PPP1R3B: variants seen among roughly 807,000 people sequenced by gnomAD.
PPP1R3B encodes the protein PP1 subunit R4.
A neutral mutation model predicts 14.6 loss-of-function variants in PPP1R3B; 8 were observed. The observed-to-expected ratio is 0.55, with a 90% confidence interval of 0.32 to 0.99. The LOEUF is 0.99. PPP1R3B is among the 50% of genes least tolerant of loss of function. The pLI is 0.04. For missense variants in PPP1R3B, 452 were observed against 360.1 expected (o/e 1.26, Z -2.07); for synonymous variants, 169 against 142.0 (o/e 1.19, Z -1.35).
At chr8:9,143,248 A>G (rs781235120) in intron 1 of PPP1R3B, among the ~76,000 whole-genome samples, 2 of 152,196 alleles carry the variant, frequency 1.3e-5, no homozygotes, top group Non-Finnish European at 2.9e-5. Context: ...ATTTGCTATA[A>G]TCTGATAAAA....
chr8:9,141,946 G>A, intron 1 of PPP1R3B: 1 of 337,058 alleles, frequency 3.0e-6, no homozygotes, highest in South Asian at 5.8e-5. Context: ...AAAACTAAAT[G>A]CACAGGTTTT....
At chr8:9,142,965 A>C (rs977515267) in intron 1 of PPP1R3B, among the ~76,000 whole-genome samples, 4 of 152,226 alleles carry the variant, frequency 2.6e-5, no homozygotes, top group African/African-American at 9.6e-5. Context: ...GCTGCAATGA[A>C]CATAAGAGTA....
In PPP1R3B at chr8:9,141,182, T is replaced by C. The variant is rs1375334406; in HGVS notation, c.470A>G (p.Glu157Gly). The C allele has an allele frequency of 6.2e-7, 1 of 1,614,202 alleles. No homozygotes were observed. Among genetic ancestry groups the C allele is most frequent in the South Asian group, 1.1e-5 (1 of 91,084 alleles). The change falls in exon 2 of 2, where the codon GAG becomes GGG. Residue 157 changes from glutamate (E) to glycine (G), a missense_variant. Physicochemically the swap from Glu to Gly is moderately conservative, Grantham distance 98 (BLOSUM62 -2). Coordinates refer to ENST00000310455, the MANE Select transcript of PPP1R3B (RefSeq NM_024607.4). The part of the protein sequence containing the change: ...GTVKVQNLAF[E>G]KTVKIRMTFD... ...CGTCATCCTTATTTTCACGGTCTTC[T>C]CAAATGCGAGGTTCTGAACCTTCAC...
In PPP1R3B at chr8:9,140,451, G is replaced by A; in HGVS notation, c.*343C>T. ...TTTTGGCGACTGATGTCCCACATCT[G>A]AGTGGAGAGCAGAGGAGAGACTCCT... On this transcript the variant is annotated 3_prime_UTR_variant, in exon 2 of 2. Coordinates refer to ENST00000310455, the MANE Select transcript of PPP1R3B (RefSeq NM_024607.4). 3.4e-6 allele frequency: 1 copy of A among 291,428 alleles called. No individual in the cohort carries two copies. The highest frequency in any genetic ancestry group is 4.5e-5 in the Admixed American group (1 of 22,366). 18.1% of individuals were successfully genotyped at this position (291,428 alleles called of 1,614,324 possible).
At chr8:9,143,038 C>T (rs1021376613) in intron 1 of PPP1R3B, among the ~76,000 whole-genome samples, 2 of 152,148 alleles carry the variant, frequency 1.3e-5, no homozygotes, top group Admixed American at 6.5e-5. Flanking sequence ...GTGGGATTGC[C>T]GGGTCATATA....
At position 9,141,251 on chromosome 8, in the gene PPP1R3B, C is replaced by A. The variant is rs758831528; in HGVS notation, c.401G>T (p.Cys134Phe). Reference sequence around the variant, plus strand: ...GTCCTTGAGCACACAGTTCTCAAGGCAGACGTGGTCGGCCTGAAGTCGATT... The same window carrying A: ...GTCCTTGAGCACACAGTTCTCAAGGAAGACGTGGTCGGCCTGAAGTCGATT... ...FRNRLQADHV[C>F]LENCVLKDKA... Residue 134 changes from cysteine (C) to phenylalanine (F), a missense_variant, in exon 2 of 2, where the codon TGC (cysteine) becomes TTC (phenylalanine). Cys to Phe is a radical substitution (Grantham distance 205). Coordinates refer to ENST00000310455, the MANE Select transcript of PPP1R3B (RefSeq NM_024607.4). 2 of 1,614,208 alleles carry A rather than the reference C, an allele frequency of 1.2e-6. No homozygotes were observed. Among genetic ancestry groups the A allele is most frequent in the Non-Finnish European group, 1.7e-6 (2 of 1,180,042 alleles).
chr8:9,151,399 C>A (rs761544731), upstream of PPP1R3B: 1 of 157,484 alleles, frequency 6.3e-6, no homozygotes, highest in African/African-American at 2.4e-5. Context: ...CGGCAGCATA[C>A]GCCCTGGGGG....
Position 9,138,203 on chromosome 8 carries a change from T to A in PPP1R3B, c.*2591A>T, listed in dbSNP as rs973971239. On this transcript the variant is annotated 3_prime_UTR_variant, in exon 2 of 2. Transcript: ENST00000310455. ...ATTTGAGTTCGATTTATGCTATTAATAGTTCTGATCACCAAATTTATAACA... is the reference window on the plus strand; with the variant it reads ...ATTTGAGTTCGATTTATGCTATTAAAAGTTCTGATCACCAAATTTATAACA... The A allele has an allele frequency of 1.3e-5, 2 of 152,212 alleles. No homozygotes were observed. Among genetic ancestry groups the A allele is most frequent in the Admixed American group, 6.5e-5 (1 of 15,288 alleles). 9.4% of individuals were successfully genotyped at this position (152,212 alleles called of 1,614,324 possible).
At chr8:9,146,964 G>T (rs1375427683) in intron 1 of PPP1R3B, among the ~76,000 whole-genome samples, 1 of 151,818 alleles carries the variant, frequency 6.6e-6, no homozygotes, top group African/African-American at 2.4e-5. Flanking sequence ...CACAGGTAGT[G>T]TTTTTGTTTT....
rs143312437 is a variant in PPP1R3B at position 9,145,026 on chromosome 8, G to T, written c.-17-3358C>A. Reference sequence around the variant, plus strand: ...CTCCCAAAGTGCTGGGATTGCAGGCGGGGAGCCATCATGGCCAGCCCATGT... The same window carrying T: ...CTCCCAAAGTGCTGGGATTGCAGGCTGGGAGCCATCATGGCCAGCCCATGT... On this transcript the variant is annotated intron_variant, in intron 1 of 1. Transcript: ENST00000310455. Among the ~76,000 whole-genome samples the T allele has an allele frequency of 9.9e-3, 1,508 of 152,130 alleles. 22 individuals carry two copies. Among genetic ancestry groups the T allele is most frequent in the African/African-American group, 0.032 (1,329 of 41,478 alleles).
rs143851762 is a variant in PPP1R3B at position 9,138,726 on chromosome 8, C to T, written c.*2068G>A. 6 of 152,292 alleles carry T rather than the reference C, an allele frequency of 3.9e-5. No individual in the cohort carries two copies. The East Asian group carries it at 9.6e-4, about 24-fold the overall frequency. 9.4% of individuals were successfully genotyped at this position (152,292 alleles called of 1,614,324 possible). The stretch of plus-strand genomic sequence containing the variant: ...TCTTGCTTGCCTTAGGAAAACTTCA[C>T]TTTAGTAAGATAAGGCAAAACAGAA... On this transcript the variant is annotated 3_prime_UTR_variant, in exon 2 of 2. Transcript: ENST00000310455.
intron 1 of PPP1R3B, among the ~76,000 whole-genome samples, chr8:9,144,083 A>G (rs1283699002): frequency 1.3e-5 from 2 of 152,128 alleles, no homozygotes. Context: ...AATATGCAAA[A>G]TGTTCAACCT....
At chr8:9,148,879 C>G (rs920997857) in intron 1 of PPP1R3B, among the ~76,000 whole-genome samples, 3 of 152,210 alleles carry the variant, frequency 2.0e-5, no homozygotes, top group African/African-American at 7.2e-5. Flanking sequence ...CTCTCTCTCT[C>G]TTTCTTCTGG....
Position 9,139,258 on chromosome 8 carries a change from A to G in PPP1R3B, c.*1536T>C, listed in dbSNP as rs756472447. The G allele has an allele frequency of 4.6e-5, 7 of 152,182 alleles. No individual in the cohort carries two copies. The highest frequency in any genetic ancestry group is 1.0e-4 in the Non-Finnish European group (7 of 68,032). The allele number at this position is 152,182 out of a possible 1,614,324, so 9.4% of individuals were successfully genotyped here. A position where few individuals can be genotyped will look rare whatever the true frequency, so the allele number is the denominator to read the frequency against. ...ACAACAGCACTAACCAACAGACTTT[A>G]GTCCAATATGGTTAAGAACAATGAA... On this transcript the variant is annotated 3_prime_UTR_variant, in exon 2 of 2. Coordinates refer to ENST00000310455, the MANE Select transcript of PPP1R3B (RefSeq NM_024607.4).
chr8:9,139,601 T>A lies in PPP1R3B; in HGVS notation c.*1193A>T, dbSNP rs1248929883. On this transcript the variant is annotated 3_prime_UTR_variant, in exon 2 of 2. Coordinates refer to ENST00000310455, the MANE Select transcript of PPP1R3B (RefSeq NM_024607.4). Reference sequence around the variant, plus strand: ...TCTCGCTCTGCTGCCCAGGCGGGAATGCAGTGGTGTGATCTCGGTTCACTG... The same window carrying A: ...TCTCGCTCTGCTGCCCAGGCGGGAAAGCAGTGGTGTGATCTCGGTTCACTG... The A allele has an allele frequency of 1.3e-5, 2 of 152,208 alleles. No individual in the cohort carries two copies. The highest frequency in any genetic ancestry group is 2.9e-5 in the Non-Finnish European group (2 of 68,046). 9.4% of individuals were successfully genotyped at this position (152,208 alleles called of 1,614,324 possible).
chr8:9,149,630 G>A (rs1300448408), intron 1 of PPP1R3B, among the ~76,000 whole-genome samples: 1 of 152,180 alleles, frequency 6.6e-6, no homozygotes, highest in Non-Finnish European at 1.5e-5. Context: ...CATTTTTAAA[G>A]ACATGGCCAT....
intron 1 of PPP1R3B, among the ~76,000 whole-genome samples, chr8:9,146,376 GGC>G (rs1467628565): frequency 1.3e-5 from 2 of 152,130 alleles, no homozygotes; most frequent in Non-Finnish European, 2.9e-5. Flanking sequence ...AAGCAGCCAT[GGC>G]CACCCCTGAG....
intron 1 of PPP1R3B, among the ~76,000 whole-genome samples, chr8:9,149,496 TCC>T (rs1366841258): frequency 1.3e-5 from 2 of 152,120 alleles, no homozygotes; most frequent in African/African-American, 4.8e-5. Context: ...AGAGCGACAC[TCC>T]GTCTCAAAAC....
At chr8:9,148,058 C>T (rs1351883044) in intron 1 of PPP1R3B, among the ~76,000 whole-genome samples, 1 of 152,092 alleles carries the variant, frequency 6.6e-6, no homozygotes, top group East Asian at 1.9e-4. Context: ...TTTTATTTAC[C>T]AGGTCATTCT....
Sources: allele counts gnomAD v4.1 joint callset (sites outside exome capture counted in the v4.1 genomes callset), GRCh38; gene constraint gnomAD v4.1.1; transcripts MANE v1.5; gene names NCBI Gene and HGNC (gene_info 2026-07-23, HGNC 2026-07-21).